Variants in CCDC60 observed in about 807,000 individuals in gnomAD.
The protein encoded by CCDC60 is coiled-coil domain containing 60, also known as coiled-coil domain-containing protein 60.
CCDC60 carries 54 observed loss-of-function variants against 63.5 expected under a neutral mutation model. That is an observed-to-expected ratio of 0.85 (90% CI 0.68 to 1.07). CCDC60 has a LOEUF of 1.07. Among genes scored for constraint, CCDC60 ranks in the 50% least tolerant of loss-of-function variants. The pLI is 0.00. For synonymous variants in CCDC60, 206 were observed against 238.8 expected (o/e 0.86, Z 1.27); for missense variants, 651 against 684.3 (o/e 0.95, Z 0.54).
chr12:119,516,017 G>T (rs1325410646), intron 7 of CCDC60, among the ~76,000 whole-genome samples: 1 of 152,130 alleles, frequency 6.6e-6, no homozygotes, highest in Non-Finnish European at 1.5e-5. Flanking sequence ...GAAGGGAGAT[G>T]AAATGGGGGA....
chr12:119,433,273 A>G (rs943412736), intron 2 of CCDC60: 1 of 626,370 alleles, frequency 1.6e-6, no homozygotes, highest in African/African-American at 1.8e-5. Context: ...ATAAAAGGTG[A>G]TACAGGCAAC....
chr12:119,507,555 T>C (rs1458991910), intron 7 of CCDC60, among the ~76,000 whole-genome samples: 1 of 69,192 alleles, frequency 1.4e-5, no homozygotes. Flanking sequence ...TATATACATA[T>C]ATATATATAT....
intron 1 of CCDC60, among the ~76,000 whole-genome samples, chr12:119,355,491 T>C (rs1285760761): frequency 1.3e-5 from 2 of 152,240 alleles, no homozygotes; most frequent in Non-Finnish European, 2.9e-5. Flanking sequence ...ATTCATTCAT[T>C]TATTCAAAAC....
chr12:119,342,722 A>G (rs889684887), intron 1 of CCDC60, among the ~76,000 whole-genome samples: 8 of 152,230 alleles, frequency 5.3e-5, no homozygotes, highest in African/African-American at 1.9e-4. Context: ...AAGCATGGTT[A>G]TAGGTGGTGG....
chr12:119,359,758 G>A (rs1386409912), intron 1 of CCDC60, among the ~76,000 whole-genome samples: 3 of 152,076 alleles, frequency 2.0e-5, no homozygotes, highest in Admixed American at 2.0e-4. Context: ...CTGCCTTCAA[G>A]CATCTGTTTA....
chr12:119,472,988 A>G (rs1951097724), intron 3 of CCDC60, among the ~76,000 whole-genome samples: 1 of 152,240 alleles, frequency 6.6e-6, no homozygotes, highest in African/African-American at 2.4e-5. Context: ...AAATAACAAT[A>G]AAAACAGATG....
chr12:119,460,361 T>C (rs1443079027), intron 2 of CCDC60, among the ~76,000 whole-genome samples: 1 of 152,236 alleles, frequency 6.6e-6, no homozygotes. Context: ...AGCACATTTT[T>C]TGCACATTTT....
chr12:119,381,533 A>G (rs1405517834), intron 1 of CCDC60, among the ~76,000 whole-genome samples: 2 of 152,204 alleles, frequency 1.3e-5, no homozygotes, highest in Admixed American at 1.3e-4. Context: ...TTGGAAAACC[A>G]GATCCTCAGT....
At chr12:119,352,285 C>T (rs763100762) in intron 1 of CCDC60, among the ~76,000 whole-genome samples, 13 of 152,280 alleles carry the variant, frequency 8.5e-5, no homozygotes, top group Admixed American at 5.9e-4. Context: ...TACAGTTCAA[C>T]CTGAGATTTG....
chr12:119,472,563 T>C (rs1052018074), intron 3 of CCDC60, among the ~76,000 whole-genome samples: 1 of 145,860 alleles, frequency 6.9e-6, no homozygotes, highest in East Asian at 2.0e-4. Flanking sequence ...ACCAGGTGCA[T>C]AAAAAATGCC....
chr12:119,537,476 TGGA>T (rs1953037479), intron 13 of CCDC60, among the ~76,000 whole-genome samples: 1 of 152,278 alleles, frequency 6.6e-6, no homozygotes, highest in Admixed American at 6.5e-5. Flanking sequence ...TGCGATCCTT[TGGA>T]GGAGAAGAGG....
At chr12:119,393,715 G>A (rs1345331064) in intron 1 of CCDC60, among the ~76,000 whole-genome samples, 3 of 152,166 alleles carry the variant, frequency 2.0e-5, no homozygotes, top group Non-Finnish European at 2.9e-5. Flanking sequence ...GTGGCAACTC[G>A]TGCCCACACC....
intron 8 of CCDC60, among the ~76,000 whole-genome samples, chr12:119,519,179 C>T (rs1448314054): frequency 1.3e-5 from 2 of 152,124 alleles, no homozygotes; most frequent in Non-Finnish European, 2.9e-5. Context: ...AGGCTGACAT[C>T]GAACTGAGGG....
At chr12:119,411,740 C>A (rs1053928938) in intron 1 of CCDC60, among the ~76,000 whole-genome samples, 11 of 152,144 alleles carry the variant, frequency 7.2e-5, no homozygotes, top group South Asian at 4.2e-4. Flanking sequence ...GTCAGAGAGA[C>A]CTTGTTTCTG....
At chr12:119,387,034 T>TCTCTCTCACACACACACACA (rs543330015) in intron 1 of CCDC60, among the ~76,000 whole-genome samples, 3 of 105,404 alleles carry the variant, frequency 2.8e-5, no homozygotes, top group African/African-American at 1.2e-4. Flanking sequence ...TCTGTCTCTC[T>TCTCTCTCACACACACACACA]CACACACACA....
chr12:119,407,093 G>C (rs78284796), intron 1 of CCDC60, among the ~76,000 whole-genome samples: 6 of 152,158 alleles, frequency 3.9e-5, no homozygotes, highest in Non-Finnish European at 7.4e-5. Context: ...AGGGCCATAG[G>C]GGGGTATATT....
intron 2 of CCDC60, among the ~76,000 whole-genome samples, chr12:119,457,667 G>C (rs1214439960): frequency 6.6e-6 from 1 of 152,084 alleles, no homozygotes; most frequent in Non-Finnish European, 1.5e-5. Flanking sequence ...TAGCACTCAG[G>C]AAATAGCTTT....
intron 13 of CCDC60, among the ~76,000 whole-genome samples, chr12:119,534,810 CG>C (rs1566068746): frequency 6.6e-6 from 1 of 152,138 alleles, no homozygotes; most frequent in African/African-American, 2.4e-5. Context: ...CTGCTGGACT[CG>C]GTTTGCCAGT....
intron 2 of CCDC60, among the ~76,000 whole-genome samples, chr12:119,442,711 T>C (rs1331265394): frequency 6.6e-6 from 1 of 152,256 alleles, no homozygotes; most frequent in East Asian, 1.9e-4. Context: ...TTTGCATGGA[T>C]GCATTCTATT....
Sources: gnomAD v4.1 joint callset for allele counts (sites outside exome capture counted in the v4.1 genomes callset) on GRCh38, gnomAD v4.1.1 for gene constraint, MANE v1.5 for transcripts, NCBI Gene and HGNC (gene_info 2026-07-23, HGNC 2026-07-21) for gene names.